Variants in NDUFAF7 observed in about 807,000 individuals in gnomAD.
NDUFAF7 encodes the protein NADH:ubiquinone oxidoreductase complex assembly factor 7.
Under a neutral mutation model 47.2 loss-of-function variants are expected in NDUFAF7, and 48 were observed. The observed-to-expected ratio is 1.02, with a 90% CI of 0.81 to 1.29. The LOEUF (loss-of-function observed/expected upper bound fraction) is 1.29, where lower values mean the gene tolerates loss of function less well. NDUFAF7 is among the 50% of genes most tolerant of loss of function. NDUFAF7 has a pLI of 0.00. For synonymous variants in NDUFAF7, 217 were observed against 190.0 expected (o/e 1.14, Z -1.17); for missense variants, 635 against 537.6 (o/e 1.18, Z -1.79).
At chr2:37,235,742 C>T (rs1300676720) in intron 2 of NDUFAF7, among the ~76,000 whole-genome samples, 2 of 152,012 alleles carry the variant, frequency 1.3e-5, no homozygotes, top group Non-Finnish European at 2.9e-5. Context: ...GCAAGCTCTG[C>T]CTCCGAGGTT....
downstream of NDUFAF7, chr2:37,251,285 G>C (rs147438517): frequency 6.6e-6 from 1 of 152,640 alleles, no homozygotes; most frequent in East Asian, 1.9e-4. Flanking sequence ...GTTTCCTGGA[G>C]GTATTTATGG....
At chr2:37,259,700 T>C in the NDUFAF7 span, 4 of 1,548,824 alleles carry the variant, frequency 2.6e-6, no homozygotes, top group Middle Eastern at 1.7e-4. Context: ...AAAAAAGATT[T>C]TCTTTTCAAT....
At position 37,231,741 on chromosome 2, in the gene NDUFAF7, G is replaced by A. The variant is rs1665148376; in HGVS notation, c.36G>A (p.Leu12=). The part of the protein sequence containing the change: ...SVLLRSGLGP[L]CAVARAAIPF... ...TGCTGAGGTCAGGTTTGGGGCCGTTGTGTGCCGTGGCGCGCGCAGGTAAGC... is the reference window on the plus strand; with the variant it reads ...TGCTGAGGTCAGGTTTGGGGCCGTTATGTGCCGTGGCGCGCGCAGGTAAGC... The change falls in exon 1 of 10, where the codon TTG becomes TTA. Residue 12 remains leucine, a synonymous_variant. Transcript: ENST00000002125. The A allele has an allele frequency of 1.2e-6, 2 of 1,614,230 alleles. No homozygotes were observed. The highest frequency in any genetic ancestry group is 2.2e-5 in the East Asian group (1 of 44,890).
Position 37,247,563 on chromosome 2 carries a change from A to G in NDUFAF7, c.1044A>G (p.Val348=), listed in dbSNP as rs1401190414. ...TGCGAAGAATGGCACAGGGAAAAGT[A>G]GCCTCTCTGGGCCCAATAAAACAAC... ...SYLRRMAQGK[V]ASLGPIKQHT... The change falls in exon 9 of 10, where the codon GTA becomes GTG. Residue 348 remains valine, a synonymous_variant. Transcript: ENST00000002125. 2.2e-5 allele frequency: 35 copies of G among 1,614,016 alleles called. No individual in the cohort carries two copies. The highest frequency in any genetic ancestry group is 3.0e-5 in the Non-Finnish European group (35 of 1,180,000).
At chr2:37,252,172 T>C (rs1460164883), downstream of NDUFAF7, 1 of 152,004 alleles carries the variant, frequency 6.6e-6, no homozygotes, top group Non-Finnish European at 1.5e-5. Flanking sequence ...CAAAGCCCAA[T>C]AGGCTAGGGG....
intron 3 of NDUFAF7, among the ~76,000 whole-genome samples, chr2:37,237,221 C>T (rs1270146053): frequency 1.3e-5 from 2 of 152,240 alleles, no homozygotes; most frequent in Non-Finnish European, 2.9e-5. Flanking sequence ...CCACCCGCCT[C>T]AGCCTCCCAA....
chr2:37,239,611 G>C (rs1025378899), intron 4 of NDUFAF7, among the ~76,000 whole-genome samples: 4 of 152,156 alleles, frequency 2.6e-5, no homozygotes, highest in Non-Finnish European at 5.9e-5. Flanking sequence ...ATGCCCATCG[G>C]GGGGTAAATG....
intron 7 of NDUFAF7, among the ~76,000 whole-genome samples, chr2:37,245,308 G>A (rs746598051): frequency 6.6e-6 from 1 of 152,176 alleles, no homozygotes; most frequent in African/African-American, 2.4e-5. Context: ...ACAAGTTAAT[G>A]TATGTTTTCA....
In NDUFAF7 at chr2:37,247,599, A is replaced by T. The variant is rs778647180; in HGVS notation, c.1080A>T (p.Leu360Phe). 8.7e-5 allele frequency: 141 copies of T among 1,614,048 alleles called. 2 individuals carry two copies. In the South Asian group the frequency reaches 1.3e-3, roughly 15 times the overall value. Reference protein sequence around the residue: ...SLGPIKQHTFLKNMGIDVRLK... With the variant: ...SLGPIKQHTFFKNMGIDVRLK... Reference sequence around the variant, plus strand: ...GCCCAATAAAACAACACACATTTTTAAAAAATATGGGTATTGATGTCCGGC... The same window carrying T: ...GCCCAATAAAACAACACACATTTTTTAAAAATATGGGTATTGATGTCCGGC... Residue 360 changes from leucine (L) to phenylalanine (F), a missense_variant, in exon 9 of 10, where the codon TTA becomes TTT. Physicochemically the swap from Leu to Phe is conservative, Grantham distance 22 (BLOSUM62 0). Coordinates refer to ENST00000002125, the MANE Select transcript of NDUFAF7 (RefSeq NM_144736.5).
At position 37,232,268 on chromosome 2, in the gene NDUFAF7, T is replaced by A. The variant is rs896834414; in HGVS notation, c.216+2T>A. ...GAGGTGTTGACTAATCCAGCCAAGG[T>A]ATGGGTCGGGTAGCCCGAGGACTAG... On this transcript the variant is annotated splice_donor_variant, in intron 2 of 9. Transcript: ENST00000002125. LOFTEE classifies it high-confidence loss of function. 1 of 1,612,518 alleles carries A rather than the reference T, an allele frequency of 6.2e-7. No individual in the cohort carries two copies. The highest frequency in any genetic ancestry group is 8.5e-7 in the Non-Finnish European group (1 of 1,179,956).
At chr2:37,260,270 C>T in the NDUFAF7 span, 1 of 1,611,858 alleles carries the variant, frequency 6.2e-7, no homozygotes, top group Non-Finnish European at 8.5e-7. Context: ...CGACTTTTCT[C>T]ACTGGATAGA....
intron 8 of NDUFAF7, 101 bp from the exon 9 acceptor site, chr2:37,247,355 C>T (rs1667038554): frequency 1.4e-6 from 2 of 1,385,200 alleles, no homozygotes; most frequent in Non-Finnish European, 1.0e-6. Context: ...TATTCCGTCA[C>T]CTCAAGCATT....
At chr2:37,252,154 G>C (rs1179224156), downstream of NDUFAF7, 1 of 152,114 alleles carries the variant, frequency 6.6e-6, no homozygotes, top group African/African-American at 2.4e-5. Context: ...AAACACTCCA[G>C]ATATCTGCAA....
chr2:37,243,938 G>T lies in NDUFAF7; in HGVS notation c.757G>T (p.Ala253Ser), dbSNP rs761392852. 30 of 1,613,658 alleles carry T rather than the reference G, an allele frequency of 1.9e-5. No homozygotes were observed. The highest frequency in any genetic ancestry group is 2.7e-5 in the African/African-American group (2 of 74,886). ...TTCTGATAAACTGAGGTTTGTTTTGGCACCTTCTGCCACCCCAGCAGAAGC... is the reference window on the plus strand; with the variant it reads ...TTCTGATAAACTGAGGTTTGTTTTGTCACCTTCTGCCACCCCAGCAGAAGC... ...QVSDKLRFVL[A>S]PSATPAEAFI... Residue 253 changes from alanine (A) to serine (S), a missense_variant, in exon 7 of 10, where the codon GCA becomes TCA. Ala to Ser is a moderately conservative substitution (Grantham distance 99). Coordinates refer to ENST00000002125, the MANE Select transcript of NDUFAF7 (RefSeq NM_144736.5).
At chr2:37,245,887 TA>T (rs953805801) in intron 7 of NDUFAF7, among the ~76,000 whole-genome samples, 164 bp from the exon 8 acceptor site, 2 of 152,156 alleles carry the variant, frequency 1.3e-5, no homozygotes, top group African/African-American at 2.4e-5. Flanking sequence ...TTTTGTATAA[TA>T]AAAAGGGAGT....
At chr2:37,238,297 G>A (rs1263372428) in intron 4 of NDUFAF7, among the ~76,000 whole-genome samples, 1 of 152,082 alleles carries the variant, frequency 6.6e-6, no homozygotes, top group Non-Finnish European at 1.5e-5. Context: ...GGGCATGGTG[G>A]TGTGCATCTG....
rs1392321410 is a variant in NDUFAF7, at chr2:37,241,810, A to G, written c.622+19A>G. 1 of 1,604,894 alleles carries G rather than the reference A, an allele frequency of 6.2e-7. No individual in the cohort carries two copies. Among genetic ancestry groups the G allele is most frequent in the Non-Finnish European group, 8.5e-7 (1 of 1,174,266 alleles). On this transcript the variant is annotated intron_variant, in intron 5 of 9. Coordinates refer to ENST00000002125, the MANE Select transcript of NDUFAF7 (RefSeq NM_144736.5). Reference sequence around the variant, plus strand: ...CCAAAAGGTAATTACCTTTATGTGGATTAATGAAAGAATTTTGATCACAAC... The same window carrying G: ...CCAAAAGGTAATTACCTTTATGTGGGTTAATGAAAGAATTTTGATCACAAC...
chr2:37,234,681 G>A (rs1013791903), intron 2 of NDUFAF7, among the ~76,000 whole-genome samples: 1 of 152,142 alleles, frequency 6.6e-6, no homozygotes, highest in African/African-American at 2.4e-5. Flanking sequence ...GAATGCTGAA[G>A]GGGGAAAGTT....
intron 2 of NDUFAF7, among the ~76,000 whole-genome samples, chr2:37,233,501 G>T (rs1244303560): frequency 7.2e-5 from 11 of 152,004 alleles, no homozygotes; most frequent in African/African-American, 2.4e-4. Flanking sequence ...GGTGGCTTGT[G>T]CCTGTAATCC....
Sources: gnomAD v4.1 joint callset for allele counts (sites outside exome capture counted in the v4.1 genomes callset) on GRCh38, gnomAD v4.1.1 for gene constraint, MANE v1.5 for transcripts, NCBI Gene and HGNC (gene_info 2026-07-23, HGNC 2026-07-21) for gene names.